Variants in THSD7B observed in about 807,000 individuals in gnomAD.
THSD7B encodes thrombospondin type-1 domain-containing protein 7B.
Under a neutral mutation model 213.6 loss-of-function variants are expected in THSD7B, and 138 were observed. The observed-to-expected ratio is 0.65, with a 90% CI of 0.56 to 0.74. The LOEUF (loss-of-function observed/expected upper bound fraction) is 0.74, where lower values mean the gene tolerates loss of function less well. Ranked by LOEUF, THSD7B falls within the 30% of genes least tolerant of loss-of-function variation. The pLI is 0.00. For synonymous variants in THSD7B, 742 were observed against 687.0 expected (o/e 1.08, Z -1.25); for missense variants, 1,931 against 1,991.5 (o/e 0.97, Z 0.58).
chr2:137,573,866 C>T (rs983069540), intron 17 of THSD7B, among the ~76,000 whole-genome samples: 3 of 151,814 alleles, frequency 2.0e-5, no homozygotes, highest in African/African-American at 7.3e-5. Context: ...TATTCTCGGC[C>T]CAGTTATCTT....
chr2:137,668,922 T>G (rs977434005), intron 27 of THSD7B, among the ~76,000 whole-genome samples: 1 of 152,150 alleles, frequency 6.6e-6, no homozygotes, highest in African/African-American at 2.4e-5. Context: ...AAGGGCTGTT[T>G]GCCTTATTGT....
intron 17 of THSD7B, among the ~76,000 whole-genome samples, chr2:137,574,502 T>C (rs1470124028): frequency 6.6e-6 from 1 of 152,088 alleles, no homozygotes; most frequent in African/African-American, 2.4e-5. Flanking sequence ...ATTGAGCATA[T>C]CTTATATAAC....
intron 10 of THSD7B, among the ~76,000 whole-genome samples, chr2:137,255,991 G>A (rs1682299401): frequency 6.6e-6 from 1 of 152,066 alleles, no homozygotes; most frequent in African/African-American, 2.4e-5. Flanking sequence ...TTGCCTCAGA[G>A]TGTCTGCCTC....
rs752794609 is a variant in THSD7B at position 136,924,532 on chromosome 2, G to GAT, written c.139+42226_139+42227dup. On this transcript the variant is annotated intron_variant, in intron 2 of 27. Transcript: ENST00000409968. ...TTCTTGGTTCTCTGTTCCACTGGGG[G>GAT]ATATATATATATGTTTTTTATGCTA... is the stretch of plus-strand genomic sequence containing the variant. Among the ~76,000 whole-genome samples, 112 of 151,814 alleles carry GAT rather than the reference G, an allele frequency of 7.4e-4. No individual in the cohort carries two copies. In the South Asian group the frequency reaches 0.01, roughly 14 times the overall value.
chr2:137,632,297 C>A (rs796828000), intron 20 of THSD7B, among the ~76,000 whole-genome samples: 3 of 152,220 alleles, frequency 2.0e-5, no homozygotes, highest in African/African-American at 7.2e-5. Flanking sequence ...CTTTAAGAAG[C>A]CCCTCTGAAT....
intron 2 of THSD7B, among the ~76,000 whole-genome samples, chr2:136,988,681 G>A (rs1685710892): frequency 6.6e-6 from 1 of 152,062 alleles, no homozygotes. Flanking sequence ...TCCAATTTTG[G>A]GCATGTAAAT....
chr2:137,169,639 G>C (rs1680203880), intron 6 of THSD7B, among the ~76,000 whole-genome samples: 1 of 151,894 alleles, frequency 6.6e-6, no homozygotes, highest in Non-Finnish European at 1.5e-5. Flanking sequence ...CAAAACTGTT[G>C]GTTTTGTTAA....
chr2:137,593,319 AT>A (rs1179870913), intron 17 of THSD7B, among the ~76,000 whole-genome samples: 1 of 151,914 alleles, frequency 6.6e-6, no homozygotes, highest in African/African-American at 2.4e-5. Flanking sequence ...AAATAGGTGT[AT>A]ATTAATTATT....
intron 5 of THSD7B, among the ~76,000 whole-genome samples, chr2:137,116,979 G>A (rs1339737528): frequency 6.6e-6 from 1 of 152,160 alleles, no homozygotes; most frequent in Non-Finnish European, 1.5e-5. Flanking sequence ...AAGTCTGATA[G>A]TCCAGTTCTC....
chr2:137,394,012 G>C (rs1316379536), intron 12 of THSD7B, among the ~76,000 whole-genome samples: 1 of 133,232 alleles, frequency 7.5e-6, no homozygotes. Context: ...GGGGTTGTTT[G>C]TTTTTTTCTT....
intron 15 of THSD7B, among the ~76,000 whole-genome samples, chr2:137,555,243 T>A (rs935267635): frequency 6.6e-6 from 1 of 152,178 alleles, no homozygotes; most frequent in African/African-American, 2.4e-5. Flanking sequence ...ACAGACTGCC[T>A]CCGCAAGTGG....
At chr2:137,667,041 T>A (rs1353033730) in intron 26 of THSD7B, among the ~76,000 whole-genome samples, 5 of 152,120 alleles carry the variant, frequency 3.3e-5, no homozygotes, top group African/African-American at 1.2e-4. Context: ...CTAAAAATGG[T>A]CATAGTAGTT....
intron 1 of THSD7B, among the ~76,000 whole-genome samples, chr2:136,771,530 A>G (rs1681503971): frequency 6.6e-6 from 1 of 152,110 alleles, no homozygotes; most frequent in Non-Finnish European, 1.5e-5. Flanking sequence ...CAAGACTCAC[A>G]CTTATTTAAA....
At chr2:136,834,086 A>T (rs796145153) in intron 1 of THSD7B, among the ~76,000 whole-genome samples, 39 of 152,336 alleles carry the variant, frequency 2.6e-4, no homozygotes, top group African/African-American at 8.7e-4. Context: ...ATATCATGTC[A>T]AAATATTGAA....
chr2:137,618,210 G>A (rs1442087044), intron 18 of THSD7B, among the ~76,000 whole-genome samples, 182 bp from the exon 19 acceptor site: 2 of 152,054 alleles, frequency 1.3e-5, no homozygotes, highest in African/African-American at 4.8e-5. Flanking sequence ...TTTTCTTTGT[G>A]TATTTGTTTT....
chr2:137,022,929 G>A (rs1686472483), intron 2 of THSD7B, among the ~76,000 whole-genome samples: 1 of 152,146 alleles, frequency 6.6e-6, no homozygotes, highest in African/African-American at 2.4e-5. Context: ...GCATGGCTGT[G>A]TTCCAAGAAA....
intron 12 of THSD7B, among the ~76,000 whole-genome samples, chr2:137,308,482 T>C (rs1230656487): frequency 1.3e-5 from 2 of 152,134 alleles, no homozygotes; most frequent in African/African-American, 4.8e-5. Flanking sequence ...TAGACTTCAT[T>C]CAGAGTCGTT....
chr2:137,323,370 G>A (rs1040552209), intron 12 of THSD7B, among the ~76,000 whole-genome samples: 5 of 152,118 alleles, frequency 3.3e-5, no homozygotes, highest in African/African-American at 1.2e-4. Context: ...TGAGAAGCTT[G>A]ATATTCATAA....
At chr2:136,954,588 C>T (rs971218353) in intron 2 of THSD7B, among the ~76,000 whole-genome samples, 3 of 151,726 alleles carry the variant, frequency 2.0e-5, no homozygotes, top group African/African-American at 7.3e-5. Context: ...AGGTGGCGGG[C>T]GCCTGTAGTC....
Sources: gnomAD v4.1 joint callset for allele counts (sites outside exome capture counted in the v4.1 genomes callset) on GRCh38, gnomAD v4.1.1 for gene constraint, MANE v1.5 for transcripts, NCBI Gene and HGNC (gene_info 2026-07-23, HGNC 2026-07-21) for gene names.